Variants in TTC7B observed in about 807,000 individuals in gnomAD.
TTC7B encodes tetratricopeptide repeat protein 7B.
A neutral mutation model predicts 106.8 loss-of-function variants in TTC7B; 28 were observed. The ratio of observed to expected loss-of-function variants is 0.26; its 90% CI spans 0.19 to 0.36. The LOEUF (loss-of-function observed/expected upper bound fraction) is 0.36. TTC7B is among the 10% of genes least tolerant of loss of function. TTC7B has a pLI of 1.00. For missense variants in TTC7B, 862 were observed against 1,076.4 expected (o/e 0.80, Z 2.79); for synonymous variants, 405 against 430.6 (o/e 0.94, Z 0.74).
chr14:90,657,143 C>T lies in TTC7B; in HGVS notation c.1341+31G>A. 1 of 1,592,194 alleles carries T rather than the reference C, an allele frequency of 6.3e-7. No homozygotes were observed. The highest frequency in any genetic ancestry group is 8.6e-7 in the Non-Finnish European group (1 of 1,161,694). On this transcript the variant is annotated intron_variant, in intron 11 of 19. Coordinates refer to ENST00000328459, the MANE Select transcript of TTC7B (RefSeq NM_001010854.2). The surrounding 1 kb of genome is among the most constrained non-coding windows in gnomAD (Gnocchi z 4.2). ...GGCAGTCCTGGCCCAGAGTCCTCTG[C>T]AGGAGCGGGGAGGGGGGCGCCCCTA...
intron 16 of TTC7B, among the ~76,000 whole-genome samples, chr14:90,612,339 G>A (rs1025408222): frequency 6.6e-6 from 1 of 152,160 alleles, no homozygotes; most frequent in Non-Finnish European, 1.5e-5. Flanking sequence ...TGTCCAGGTA[G>A]CATTTTTCAC....
intron 16 of TTC7B, among the ~76,000 whole-genome samples, chr14:90,611,628 C>T (rs1335314613): frequency 6.6e-6 from 1 of 152,150 alleles, no homozygotes; most frequent in Non-Finnish European, 1.5e-5. Flanking sequence ...TCCATACCAC[C>T]ACTCCTACCA....
chr14:90,796,335 G>C (rs1418905628), intron 1 of TTC7B, among the ~76,000 whole-genome samples: 1 of 152,162 alleles, frequency 6.6e-6, no homozygotes, highest in African/African-American at 2.4e-5. Context: ...GCTTATATAG[G>C]GATAAAGCCT....
chr14:90,777,809 G>T (rs1026695018), intron 3 of TTC7B, among the ~76,000 whole-genome samples: 1 of 152,208 alleles, frequency 6.6e-6, no homozygotes, highest in African/African-American at 2.4e-5. Context: ...GCCCGCAATT[G>T]CCCTGTTAGT....
intron 9 of TTC7B, among the ~76,000 whole-genome samples, chr14:90,674,377 C>T (rs1163209745): frequency 6.6e-6 from 1 of 152,226 alleles, no homozygotes; most frequent in African/African-American, 2.4e-5. Flanking sequence ...CCTACAACAT[C>T]GACCGTTTTA....
chr14:90,593,507 C>A lies in TTC7B; in HGVS notation c.2086G>T (p.Ala696Ser). The A allele has an allele frequency of 6.2e-7, 1 of 1,607,178 alleles. No homozygotes were observed. The highest frequency in any genetic ancestry group is 8.5e-7 in the Non-Finnish European group (1 of 1,176,032). Reference protein sequence around the residue: ...QGPLHPWMTLAQIWLHAAEVY... With the variant: ...QGPLHPWMTLSQIWLHAAEVY... The stretch of plus-strand genomic sequence containing the variant: ...GTACCTGCATGGAGCCAGATCTGTG[C>A]CAGCGTCATCCAGGGGTGCAGCGGG... Residue 696 changes from alanine (A) to serine (S), a missense_variant, in exon 18 of 20, where the codon GCA becomes TCA. Ala to Ser is a moderately conservative substitution (Grantham distance 99). Transcript: ENST00000328459.
chr14:90,557,620 C>G (rs929076093), intron 19 of TTC7B, among the ~76,000 whole-genome samples: 6 of 152,238 alleles, frequency 3.9e-5, no homozygotes, highest in African/African-American at 1.4e-4. Flanking sequence ...GGAGCAGAGG[C>G]CTGGCTGGAG....
At position 90,657,157 on chromosome 14, in the gene TTC7B, G is replaced by A. The variant is rs367795237; in HGVS notation, c.1341+17C>T. 9.5e-5 allele frequency: 152 copies of A among 1,605,714 alleles called. No homozygotes were observed. The highest frequency in any genetic ancestry group is 1.2e-4 in the Non-Finnish European group (145 of 1,173,112). The stretch of plus-strand genomic sequence containing the variant: ...AGAGTCCTCTGCAGGAGCGGGGAGG[G>A]GGGCGCCCCTACTCACCCAGTGCAG... On this transcript the variant is annotated intron_variant, in intron 11 of 19. Coordinates refer to ENST00000328459, the MANE Select transcript of TTC7B (RefSeq NM_001010854.2). This position sits in a 1 kb window ranked among gnomAD's most constrained non-coding sequence, Gnocchi z 4.2.
intron 17 of TTC7B, among the ~76,000 whole-genome samples, chr14:90,595,399 G>A (rs1892162523): frequency 6.6e-6 from 1 of 151,698 alleles, no homozygotes; most frequent in African/African-American, 2.4e-5. Context: ...GTATATGAAG[G>A]GGGAACCTAA....
At chr14:90,814,107 T>C (rs1356866558) in intron 1 of TTC7B, among the ~76,000 whole-genome samples, 4 of 152,170 alleles carry the variant, frequency 2.6e-5, no homozygotes, top group South Asian at 4.1e-4. Context: ...TCCCATGAGT[T>C]TCCCCAAACT....
chr14:90,581,685 A>G (rs1891496266), intron 18 of TTC7B, among the ~76,000 whole-genome samples: 1 of 152,228 alleles, frequency 6.6e-6, no homozygotes, highest in Admixed American at 6.5e-5. Context: ...AAAGGCTGAC[A>G]TAGGAGAGCA....
intron 16 of TTC7B, among the ~76,000 whole-genome samples, chr14:90,611,273 G>A (rs566760639): frequency 9.2e-5 from 14 of 152,234 alleles, no homozygotes; most frequent in African/African-American, 3.4e-4. Context: ...TAAAACCCAG[G>A]CTGCACGGAA....
At chr14:90,619,090 G>T (rs570600793) in intron 15 of TTC7B, among the ~76,000 whole-genome samples, 1 of 152,278 alleles carries the variant, frequency 6.6e-6, no homozygotes, top group African/African-American at 2.4e-5. Flanking sequence ...TTTTAGTAGA[G>T]GTGGGGTTTC....
At position 90,657,489 on chromosome 14, in the gene TTC7B, T is replaced by G. The variant is rs1047446266; in HGVS notation, c.1237-211A>C. The G allele has an allele frequency of 4.3e-5, 20 of 468,300 alleles. No individual in the cohort carries two copies. Among genetic ancestry groups the G allele is most frequent in the Non-Finnish European group, 7.2e-5 (19 of 263,136 alleles). 29.0% of individuals were successfully genotyped at this position (468,300 alleles called of 1,614,324 possible). On this transcript the variant is annotated intron_variant, in intron 10 of 19. Coordinates refer to ENST00000328459, the MANE Select transcript of TTC7B (RefSeq NM_001010854.2). The surrounding 1 kb of genome is among the most constrained non-coding windows in gnomAD (Gnocchi z 4.2). ...ACACTGGGTTAAAAGCCAGCAGGAA[T>G]GCTTCTCTGGCGCCACCTGAATTTC...
chr14:90,780,652 A>C (rs984367729), intron 3 of TTC7B, 86 bp downstream of exon 3: 2 of 1,480,218 alleles, frequency 1.4e-6, no homozygotes, highest in Non-Finnish European at 1.8e-6. Flanking sequence ...ATCACCAGCC[A>C]AGGGCCAAGG....
At position 90,624,835 on chromosome 14, in the gene TTC7B, G is replaced by A. The variant is rs922599518; in HGVS notation, c.1752-6790C>T. 2.6e-5 allele frequency among the ~76,000 whole-genome samples: 4 copies of A among 152,192 alleles called. No individual in the cohort carries two copies. The highest frequency in any genetic ancestry group is 6.5e-5 in the Admixed American group (1 of 15,282). ...ACATCACGGGAACCTTGAACATTTC[G>A]TATCTTGTGCTGATCTGTGTTTGCG... On this transcript the variant is annotated intron_variant, in intron 15 of 19. Coordinates refer to ENST00000328459, the MANE Select transcript of TTC7B (RefSeq NM_001010854.2). This position sits in a 1 kb window ranked among gnomAD's most constrained non-coding sequence, Gnocchi z 4.0.
At chr14:90,636,924 A>G (rs1884968278) in intron 15 of TTC7B, among the ~76,000 whole-genome samples, 1 of 151,748 alleles carries the variant, frequency 6.6e-6, no homozygotes, top group South Asian at 2.1e-4. Flanking sequence ...TGCTTATGTC[A>G]GAAAATAAGG....
intron 7 of TTC7B, among the ~76,000 whole-genome samples, chr14:90,682,567 CAA>C (rs1326960675): frequency 1.3e-5 from 2 of 152,170 alleles, no homozygotes; most frequent in East Asian, 3.9e-4. Context: ...GTGAACGGGT[CAA>C]AACTGTTGGG....
intron 15 of TTC7B, among the ~76,000 whole-genome samples, chr14:90,639,048 C>T (rs956921270): frequency 1.3e-5 from 2 of 152,090 alleles, no homozygotes; most frequent in African/African-American, 4.8e-5. Context: ...ATAAAACAGT[C>T]CATTCTAGGT....
Sources: allele counts gnomAD v4.1 joint callset (sites outside exome capture counted in the v4.1 genomes callset), GRCh38; gene constraint gnomAD v4.1.1; non-coding constraint Gnocchi (gnomAD v3.1); transcripts MANE v1.5; gene names NCBI Gene and HGNC (gene_info 2026-07-23, HGNC 2026-07-21).